The following PTPRU variants were observed in gnomAD, a reference collection of about 807,000 sequenced individuals.
PTPRU encodes protein tyrosine phosphatase receptor type U.
A neutral mutation model predicts 166.3 loss-of-function variants in PTPRU; 69 were observed. That is an observed-to-expected ratio of 0.41 (90% confidence interval 0.34 to 0.51). The LOEUF is 0.51. PTPRU is among the 20% of genes least tolerant of loss of function. The pLI is 0.09. For missense variants in PTPRU, 1,657 were observed against 2,013.7 expected (o/e 0.82, Z 3.39); for synonymous variants, 793 against 814.0 (o/e 0.97, Z 0.44).
chr1:29,290,637 C>T (rs796943464), intron 14 of PTPRU, among the ~76,000 whole-genome samples: 10 of 152,364 alleles, frequency 6.6e-5, no homozygotes, highest in East Asian at 1.9e-4. Flanking sequence ...TTTCCTGACA[C>T]GAGCTTTTCC....
rs976214123 is a variant in PTPRU at position 29,311,991 on chromosome 1, C to T, written c.3072+232C>T. Among the ~76,000 whole-genome samples the T allele has an allele frequency of 6.6e-6, 1 of 152,240 alleles. No individual in the cohort carries two copies. Among genetic ancestry groups the T allele is most frequent in the Admixed American group, 6.5e-5 (1 of 15,284 alleles). On this transcript the variant is annotated intron_variant, in intron 21 of 29. Coordinates refer to ENST00000373779, the MANE Select transcript of PTPRU (RefSeq NM_133178.4). This position sits in a 1 kb window ranked among gnomAD's most constrained non-coding sequence, Gnocchi z 4.1. Reference sequence around the variant, plus strand: ...GAGACAATGAAGGGGGTGACAGTATCTGCCAGGTGCTGGCTCCTACTCTGT... The same window carrying T: ...GAGACAATGAAGGGGGTGACAGTATTTGCCAGGTGCTGGCTCCTACTCTGT...
intron 11 of PTPRU, among the ~76,000 whole-genome samples, chr1:29,281,877 A>C (rs1475923616): frequency 1.3e-5 from 2 of 152,246 alleles, no homozygotes; most frequent in Admixed American, 6.5e-5. Context: ...AACTGGAAAT[A>C]TTTAAATTTG....
Position 29,260,496 on chromosome 1 carries a change from C to A in PTPRU, c.851-114C>A. ...GGTCTGGTTGAGGGCTTGGTAGCAG[C>A]GTGAGAGGCCCTAGGAGGACGGAGA... is the stretch of plus-strand genomic sequence containing the variant. On this transcript the variant is annotated intron_variant, in intron 6 of 29. Transcript: ENST00000373779. The surrounding 1 kb of genome is among the most constrained non-coding windows in gnomAD (Gnocchi z 8.3). 1.3e-6 allele frequency: 1 copy of A among 799,874 alleles called. No individual in the cohort carries two copies. Among genetic ancestry groups the A allele is most frequent in the Non-Finnish European group, 1.8e-6 (1 of 547,036 alleles). 49.5% of individuals were successfully genotyped at this position (799,874 alleles called of 1,614,324 possible). A position where few individuals can be genotyped will look rare whatever the true frequency, so the allele number is the denominator to read the frequency against.
chr1:29,263,564 G>A (rs558445616), intron 7 of PTPRU, among the ~76,000 whole-genome samples: 54 of 152,122 alleles, frequency 3.5e-4, no homozygotes, highest in Non-Finnish European at 6.6e-4. Context: ...TTGAGGAACT[G>A]CTGGACTGTT....
intron 14 of PTPRU, among the ~76,000 whole-genome samples, chr1:29,288,521 G>A (rs1686467218): frequency 6.6e-6 from 1 of 152,158 alleles, no homozygotes; most frequent in South Asian, 2.1e-4. Context: ...CCTCCCTCGT[G>A]GGGCCTCTGC....
At position 29,325,706 on chromosome 1, in the gene PTPRU, C is replaced by A. The variant is rs1688384315; in HGVS notation, c.*45C>A. 1 of 1,513,680 alleles carries A rather than the reference C, an allele frequency of 6.6e-7. No individual in the cohort carries two copies. Among genetic ancestry groups the A allele is most frequent in the Non-Finnish European group, 9.0e-7 (1 of 1,108,524 alleles). 93.8% of individuals were successfully genotyped at this position (1,513,680 alleles called of 1,614,324 possible). A position where few individuals can be genotyped will look rare whatever the true frequency, so the allele number is the denominator to read the frequency against. ...ACCCACTGCACACTCAGGGCCAGACCCACCATCCTGGACTGGCGAGGAAGA... is the reference window on the plus strand; with the variant it reads ...ACCCACTGCACACTCAGGGCCAGACACACCATCCTGGACTGGCGAGGAAGA... On this transcript the variant is annotated 3_prime_UTR_variant, in exon 30 of 30. Transcript: ENST00000373779.
rs1557485875 is a variant in PTPRU, at chr1:29,317,704, A to G, written c.3514-44A>G. ...TCATGGGGATGTGAGGAGGCCCAGC[A>G]AGCCCTGGACGTAACTCTCTGTCCC... On this transcript the variant is annotated intron_variant, in intron 24 of 29. Coordinates refer to ENST00000373779, the MANE Select transcript of PTPRU (RefSeq NM_133178.4). The surrounding 1 kb of genome is among the most constrained non-coding windows in gnomAD (Gnocchi z 5.6). The G allele has an allele frequency of 6.5e-7, 1 of 1,548,972 alleles. No homozygotes were observed. Among genetic ancestry groups the G allele is most frequent in the Non-Finnish European group, 8.7e-7 (1 of 1,148,568 alleles).
chr1:29,312,567 C>T lies in PTPRU; in HGVS notation c.3088C>T (p.Arg1030Trp), dbSNP rs765597007. Residue 1030 changes from arginine to tryptophan, a missense_variant, in exon 22 of 30, where the codon CGG becomes TGG. Arg to Trp is a moderately radical substitution (Grantham distance 101, BLOSUM62 -3). Around this residue, in one of 3 missense-constraint regions of PTPRU, gnomAD observed 1,190 missense variants for 1,477.4 expected, o/e 0.81. Coordinates refer to ENST00000373779, the MANE Select transcript of PTPRU (RefSeq NM_133178.4). ...FALERRGYSA[R>W]HEVRQFHFTA... is the part of the protein sequence containing the mutation. The stretch of plus-strand genomic sequence containing the variant: ...GTCTCCCCAGAGAGGCTACTCTGCC[C>T]GGCACGAGGTCCGCCAGTTCCACTT... 27 of 1,592,166 alleles carry T rather than the reference C, an allele frequency of 1.7e-5. No individual in the cohort carries two copies. In the East Asian group the frequency reaches 2.3e-4, roughly 13 times the overall value.
chr1:29,294,001 C>T (rs993358053), intron 15 of PTPRU, among the ~76,000 whole-genome samples: 2 of 152,214 alleles, frequency 1.3e-5, no homozygotes, highest in African/African-American at 4.8e-5. Flanking sequence ...CATCCATGGG[C>T]ATTCGATTGG....
chr1:29,298,666 T>C (rs766002493), intron 15 of PTPRU, among the ~76,000 whole-genome samples: 35 of 152,156 alleles, frequency 2.3e-4, no homozygotes, highest in Non-Finnish European at 4.7e-4. Flanking sequence ...GGCCAAATTG[T>C]TTGTCAAATA....
intron 15 of PTPRU, among the ~76,000 whole-genome samples, chr1:29,298,381 A>G (rs1686988892): frequency 6.6e-6 from 1 of 151,646 alleles, no homozygotes; most frequent in East Asian, 1.9e-4. Flanking sequence ...TCTGCCTTCC[A>G]CTTCCTTCTT....
chr1:29,246,127 C>T (rs915631062), intron 1 of PTPRU, among the ~76,000 whole-genome samples: 1 of 152,246 alleles, frequency 6.6e-6, no homozygotes. Context: ...TTGCATTGTA[C>T]CAACAGTGCA....
rs74852110 is a variant in PTPRU, at chr1:29,286,483, G to A, written c.2318+1614G>A. Among the ~76,000 whole-genome samples, 5 of 152,240 alleles carry A rather than the reference G, an allele frequency of 3.3e-5. No individual in the cohort carries two copies. In the East Asian group the frequency reaches 9.7e-4, roughly 29 times the overall value. Reference sequence around the variant, plus strand: ...ACTTGGCTGATGAGCAGTAGGGCCTGACTTCAACTCAGGCTCGCCTACAAA... The same window carrying A: ...ACTTGGCTGATGAGCAGTAGGGCCTAACTTCAACTCAGGCTCGCCTACAAA... On this transcript the variant is annotated intron_variant, in intron 14 of 29. Coordinates refer to ENST00000373779, the MANE Select transcript of PTPRU (RefSeq NM_133178.4).
intron 15 of PTPRU, among the ~76,000 whole-genome samples, chr1:29,300,003 CT>C (rs1411321215): frequency 6.6e-6 from 1 of 152,206 alleles, no homozygotes; most frequent in Non-Finnish European, 1.5e-5. Flanking sequence ...CTGGAAATGA[CT>C]AGTAATGTCA....
intron 19 of PTPRU, 129 bp downstream of exon 19, chr1:29,310,909 T>C: frequency 1.7e-6 from 2 of 1,185,012 alleles, no homozygotes; most frequent in South Asian, 1.2e-5. Context: ...CGTCGCCATA[T>C]TCTGGCTCCC....
rs781105249 is a variant in PTPRU, at chr1:29,311,811, G to A, written c.3072+52G>A. The A allele has an allele frequency of 7.2e-6, 11 of 1,535,670 alleles. No homozygotes were observed. The highest frequency in any genetic ancestry group is 9.9e-6 in the Non-Finnish European group (11 of 1,116,516). On this transcript the variant is annotated intron_variant, in intron 21 of 29. Transcript: ENST00000373779. The surrounding 1 kb of genome is among the most constrained non-coding windows in gnomAD (Gnocchi z 4.1). ...GCAGAGGGTGCCTGAGCAGGGATTA[G>A]AGCCCACTCCCACTTCCCCCAGCCC...
At chr1:29,305,715 A>C in intron 18 of PTPRU, 1 of 579,458 alleles carries the variant, frequency 1.7e-6, no homozygotes, top group Non-Finnish European at 3.3e-6. Flanking sequence ...GGAAGGCGGG[A>C]GGCATGGAGA....
At position 29,253,251 on chromosome 1, in the gene PTPRU, C is replaced by G. The variant is rs575868071; in HGVS notation, c.74-2024C>G. Among the ~76,000 whole-genome samples, 4 of 152,294 alleles carry G rather than the reference C, an allele frequency of 2.6e-5. No homozygotes were observed. The East Asian group carries it at 7.7e-4, about 29-fold the overall frequency. ...GTCTGGAAGCTCTCCGAACCCTGTC[C>G]TTTTGGGTATTTACGGAGGTTTCCT... On this transcript the variant is annotated intron_variant, in intron 1 of 29. Coordinates refer to ENST00000373779, the MANE Select transcript of PTPRU (RefSeq NM_133178.4).
intron 1 of PTPRU, among the ~76,000 whole-genome samples, chr1:29,241,694 A>G (rs1229569040): frequency 6.6e-6 from 1 of 150,762 alleles, no homozygotes; most frequent in Non-Finnish European, 1.5e-5. Flanking sequence ...TCCCGGGTTC[A>G]AGTGATTCTC....
Sources: allele counts gnomAD v4.1 joint callset (sites outside exome capture counted in the v4.1 genomes callset), GRCh38; gene constraint gnomAD v4.1.1; regional missense constraint gnomAD v4.1.1; non-coding constraint Gnocchi (gnomAD v3.1); transcripts MANE v1.5; gene names NCBI Gene and HGNC (gene_info 2026-07-23, HGNC 2026-07-21).